MCPH1: variants seen among roughly 807,000 people sequenced by gnomAD.
The protein encoded by MCPH1 is microcephalin.
Under a neutral mutation model 84.5 loss-of-function variants are expected in MCPH1, and 104 were observed. The observed-to-expected ratio is 1.23, with a 90% CI of 1.05 to 1.45. MCPH1 has a LOEUF of 1.45. Ranked by LOEUF, MCPH1 falls within the 40% of genes most tolerant of loss-of-function variation. The probability of loss-of-function intolerance (pLI) is 0.00; values close to 1 mark genes in which losing one functional copy is unlikely to be tolerated. For missense variants in MCPH1, 1,498 were observed against 1,005.7 expected, an observed-to-expected ratio of 1.49 and a Z score of -6.62; for synonymous variants, 514 against 366.8, an observed-to-expected ratio of 1.40 and a Z score of -4.58.
intron 11 of MCPH1, among the ~76,000 whole-genome samples, chr8:6,490,428 TC>T (rs1810432899): frequency 3.3e-5 from 5 of 152,312 alleles, no homozygotes; most frequent in African/African-American, 1.2e-4. Flanking sequence ...TTTCAAGGCT[TC>T]TAAACTCTAT....
At chr8:6,428,844 G>T (rs560472750) in intron 3 of MCPH1, among the ~76,000 whole-genome samples, 5 of 152,316 alleles carry the variant, frequency 3.3e-5, no homozygotes, top group African/African-American at 1.2e-4. Flanking sequence ...CTCAATTCCT[G>T]TTCCCCAGAG....
chr8:6,492,386 T>A (rs546277833), intron 11 of MCPH1, among the ~76,000 whole-genome samples: 1 of 152,094 alleles, frequency 6.6e-6, no homozygotes, highest in South Asian at 2.1e-4. Context: ...CTTTGTCAGA[T>A]GAGTAGATTG....
intron 12 of MCPH1, chr8:6,532,568 T>G: frequency 3.8e-6 from 3 of 794,114 alleles, no homozygotes; most frequent in Non-Finnish European, 5.2e-6. Flanking sequence ...GTCTCCTCCC[T>G]ATCTTTAAAA....
At chr8:6,464,293 G>T (rs2515582) in intron 9 of MCPH1, among the ~76,000 whole-genome samples, 1 of 151,992 alleles carries the variant, frequency 6.6e-6, no homozygotes, top group African/African-American at 2.4e-5. Flanking sequence ...AACAGGTGTG[G>T]GGTCCATCAG....
At chr8:6,531,758 C>T (rs539874305) in intron 12 of MCPH1, among the ~76,000 whole-genome samples, 5 of 151,414 alleles carry the variant, frequency 3.3e-5, no homozygotes, top group Non-Finnish European at 4.4e-5. Context: ...TGGTTAGTGG[C>T]GGACCTGGAG....
intron 12 of MCPH1, among the ~76,000 whole-genome samples, chr8:6,568,098 C>T (rs552694073): frequency 6.6e-5 from 10 of 152,332 alleles, no homozygotes; most frequent in Admixed American, 3.3e-4. Context: ...ACCATAGCTA[C>T]CTACTCCCAG....
chr8:6,417,843 C>A (rs899104597), intron 3 of MCPH1, among the ~76,000 whole-genome samples: 1 of 152,086 alleles, frequency 6.6e-6, no homozygotes, highest in Non-Finnish European at 1.5e-5. Context: ...TTTTCTGGCT[C>A]TTCATATGGC....
At chr8:6,434,637 T>C (rs776561466) in intron 4 of MCPH1, among the ~76,000 whole-genome samples, 3 of 152,234 alleles carry the variant, frequency 2.0e-5, no homozygotes, top group Non-Finnish European at 4.4e-5. Context: ...TAAAGTCATG[T>C]TTTTTGTCAA....
chr8:6,549,605 T>C (rs1823252449), intron 12 of MCPH1, among the ~76,000 whole-genome samples: 1 of 151,606 alleles, frequency 6.6e-6, no homozygotes, highest in South Asian at 2.1e-4. Flanking sequence ...CATCTTGAGT[T>C]GGGCGGTCGT....
At chr8:6,496,635 G>A (rs1247182280) in intron 11 of MCPH1, among the ~76,000 whole-genome samples, 2 of 151,990 alleles carry the variant, frequency 1.3e-5, no homozygotes, top group Non-Finnish European at 1.5e-5. Context: ...ATGGTGGGCG[G>A]TATGCTTGGA....
intron 12 of MCPH1, among the ~76,000 whole-genome samples, chr8:6,517,889 C>T (rs977404259): frequency 6.6e-6 from 1 of 152,114 alleles, no homozygotes; most frequent in Non-Finnish European, 1.5e-5. Context: ...CAATTGACAC[C>T]ACTTATTTTT....
At chr8:6,593,810 C>A (rs567662737) in intron 12 of MCPH1, among the ~76,000 whole-genome samples, 3 of 152,350 alleles carry the variant, frequency 2.0e-5, no homozygotes, top group African/African-American at 7.2e-5. Flanking sequence ...AAGACAGCCT[C>A]TTCCTTGCAA....
intron 12 of MCPH1, among the ~76,000 whole-genome samples, chr8:6,511,899 C>CTT (rs34089402): frequency 0.017 from 2,353 of 141,932 alleles, 61 homozygotes; most frequent in African/African-American, 0.057. Context: ...TTTTGTGCTT[C>CTT]TTTTTTTTTT....
chr8:6,466,601 G>A (rs1255565676), intron 9 of MCPH1, among the ~76,000 whole-genome samples: 1 of 150,812 alleles, frequency 6.6e-6, no homozygotes, highest in East Asian at 2.0e-4. Context: ...GCCACCACGC[G>A]CAGCCCTTTT....
At chr8:6,483,196 A>T (rs1383895170) in intron 11 of MCPH1, among the ~76,000 whole-genome samples, 4 of 152,238 alleles carry the variant, frequency 2.6e-5, no homozygotes, top group Non-Finnish European at 4.4e-5. Flanking sequence ...ATATTAAAAG[A>T]CATACAATGT....
In MCPH1 at chr8:6,420,509, C is replaced by T. The variant is rs958462113; in HGVS notation, c.233+5626C>T. Reference sequence around the variant, plus strand: ...TCATATGTGTCTTTTATTTAAGTTTCTTTTTTATTTTCTGCTTTTTTTTCG... The same window carrying T: ...TCATATGTGTCTTTTATTTAAGTTTTTTTTTTATTTTCTGCTTTTTTTTCG... On this transcript the variant is annotated intron_variant, in intron 3 of 13. Coordinates refer to ENST00000344683, the MANE Select transcript of MCPH1 (RefSeq NM_024596.5). Among the ~76,000 whole-genome samples, 5 of 152,020 alleles carry T rather than the reference C, an allele frequency of 3.3e-5. No individual in the cohort carries two copies. In the East Asian group the frequency reaches 9.6e-4, roughly 29 times the overall value.
chr8:6,406,822 C>A lies in MCPH1; in HGVS notation c.22+133C>A, dbSNP rs1480679659. On this transcript the variant is annotated intron_variant, in intron 1 of 13. Coordinates refer to ENST00000344683, the MANE Select transcript of MCPH1 (RefSeq NM_024596.5). ...CCTCGCTGCCTGTCTCCCCCAGACCCCCTGCCGCCTCCTTCCTCCCCCGCT... is the reference window on the plus strand; with the variant it reads ...CCTCGCTGCCTGTCTCCCCCAGACCACCTGCCGCCTCCTTCCTCCCCCGCT... The A allele has an allele frequency of 5.7e-5, 51 of 898,144 alleles. No individual in the cohort carries two copies. In the Admixed American group the frequency reaches 7.3e-4, roughly 13 times the overall value. The allele number at this position is 898,144 out of a possible 1,614,324, so 55.6% of individuals were successfully genotyped here.
chr8:6,567,867 G>C (rs530178806), intron 12 of MCPH1, among the ~76,000 whole-genome samples: 3 of 152,212 alleles, frequency 2.0e-5, no homozygotes, highest in Admixed American at 6.5e-5. Context: ...ACTGTCAGAT[G>C]AGAAACATTA....
chr8:6,431,038 G>T (rs1563197142), intron 3 of MCPH1, among the ~76,000 whole-genome samples: 1 of 152,172 alleles, frequency 6.6e-6, no homozygotes, highest in Non-Finnish European at 1.5e-5. Context: ...CCTTGGGGCT[G>T]ATGGTGGTGT....
Sources: allele counts gnomAD v4.1 joint callset (sites outside exome capture counted in the v4.1 genomes callset), GRCh38; gene constraint gnomAD v4.1.1; transcripts MANE v1.5; gene names NCBI Gene and HGNC (gene_info 2026-07-23, HGNC 2026-07-21).